Variants in IRAG1 observed in about 807,000 individuals in gnomAD.
IRAG1 encodes the protein IP3R-associated cGMP kinase substrate.
A neutral mutation model predicts 106.2 loss-of-function variants in IRAG1; 62 were observed. The observed-to-expected ratio is 0.58, with a 90% CI of 0.48 to 0.72. The LOEUF (loss-of-function observed/expected upper bound fraction) is 0.72. IRAG1 is among the 30% of genes least tolerant of loss of function. The probability of loss-of-function intolerance (pLI) is 0.00; values close to 1 mark genes in which losing one functional copy is unlikely to be tolerated. For synonymous variants in IRAG1, 462 were observed against 443.9 expected (o/e 1.04, Z -0.51); for missense variants, 1,064 against 1,140.7 (o/e 0.93, Z 0.97).
At chr11:10,604,589 T>G (rs1564903285) in intron 12 of IRAG1, 44 bp from the exon 13 acceptor site, 1 of 1,612,574 alleles carries the variant, frequency 6.2e-7, no homozygotes, top group Non-Finnish European at 8.5e-7. Flanking sequence ...GAGGAGTTAC[T>G]GCAGAGGACA....
Position 10,675,099 on chromosome 11 carries a change from G to A in IRAG1, c.67+18437C>T, listed in dbSNP as rs79041095. Reference sequence around the variant, plus strand: ...GTGCTGGGCTGGGAAACAGCCCCTGGGCTCCCTGAAGATCTCCCTGGCTGT... The same window carrying A: ...GTGCTGGGCTGGGAAACAGCCCCTGAGCTCCCTGAAGATCTCCCTGGCTGT... On this transcript the variant is annotated intron_variant, in intron 1 of 20. Coordinates refer to ENST00000423302, the MANE Select transcript of IRAG1 (RefSeq NM_130385.4). 3.1e-3 allele frequency among the ~76,000 whole-genome samples: 466 copies of A among 152,296 alleles called. 5 individuals carry two copies. Among genetic ancestry groups the A allele is most frequent in the African/African-American group, 0.011 (437 of 41,572 alleles).
intron 1 of IRAG1, among the ~76,000 whole-genome samples, chr11:10,679,136 A>G (rs1860938827): frequency 6.6e-6 from 1 of 152,246 alleles, no homozygotes; most frequent in Admixed American, 6.5e-5. Flanking sequence ...TTAGTGTCCT[A>G]GTTCTACATG....
chr11:10,640,233 G>C (rs1173537238), intron 2 of IRAG1, among the ~76,000 whole-genome samples: 1 of 152,176 alleles, frequency 6.6e-6, no homozygotes, highest in African/African-American at 2.4e-5. Flanking sequence ...TGGGGAGGAG[G>C]ACCATGGCAG....
intron 10 of IRAG1, among the ~76,000 whole-genome samples, 190 bp from the exon 11 acceptor site, chr11:10,610,041 G>T (rs1854811185): frequency 6.6e-6 from 1 of 152,160 alleles, no homozygotes; most frequent in African/African-American, 2.4e-5. Context: ...ATAAGCCAAG[G>T]CTCAGCAAGG....
intron 2 of IRAG1, among the ~76,000 whole-genome samples, chr11:10,644,353 A>T (rs1857773581): frequency 6.6e-6 from 1 of 152,248 alleles, no homozygotes. Context: ...ATTATCTTGT[A>T]TACCAGATAC....
rs920942292 is a variant in IRAG1, at chr11:10,581,975, T to C, written c.2252A>G (p.Asn751Ser). Residue 751 changes from asparagine (N) to serine (S), a missense_variant, in exon 19 of 21, where the codon AAT becomes AGT. Physicochemically the swap from Asn to Ser is conservative, Grantham distance 46. Transcript: ENST00000423302. The stretch of plus-strand genomic sequence containing the variant: ...AGAGGCTTCACAATCTGGGTCCCCA[T>C]TTGTCTTTCCACTAGTGAGAAGAGG... ...LPALLENGKT[N>S]GDPDCEASAP... The C allele has an allele frequency of 1.9e-6, 3 of 1,613,338 alleles. No individual in the cohort carries two copies. The highest frequency in any genetic ancestry group is 2.5e-6 in the Non-Finnish European group (3 of 1,179,528).
At chr11:10,650,110 G>A (rs1386826409) in intron 2 of IRAG1, among the ~76,000 whole-genome samples, 4 of 152,148 alleles carry the variant, frequency 2.6e-5, no homozygotes, top group Non-Finnish European at 5.9e-5. Context: ...TTACAACTCT[G>A]GGAACTTAAG....
chr11:10,679,853 T>C (rs2135181344), intron 1 of IRAG1, among the ~76,000 whole-genome samples: 1 of 152,358 alleles, frequency 6.6e-6, no homozygotes, highest in South Asian at 2.1e-4. Context: ...TTGCAGGACA[T>C]CTCAGAGCCT....
At chr11:10,622,058 T>C (rs1416398341) in intron 10 of IRAG1, among the ~76,000 whole-genome samples, 1 of 152,208 alleles carries the variant, frequency 6.6e-6, no homozygotes, top group Non-Finnish European at 1.5e-5. Flanking sequence ...TGAATGTACT[T>C]ACTGCCACTG....
At chr11:10,616,354 A>G (rs563402533) in intron 10 of IRAG1, among the ~76,000 whole-genome samples, 2 of 152,126 alleles carry the variant, frequency 1.3e-5, no homozygotes, top group Admixed American at 1.3e-4. Flanking sequence ...TGCTTGGAAT[A>G]TATCTAGAAG....
At chr11:10,594,441 G>A (rs75976406) in intron 15 of IRAG1, among the ~76,000 whole-genome samples, 2,292 of 152,052 alleles carry the variant, frequency 0.015, 55 homozygotes, top group African/African-American at 0.053. Context: ...CCCCAGTCTT[G>A]GACCTCTGAT....
rs149859907 is a variant in IRAG1, at chr11:10,655,429, G to A, written c.68-3247C>T. On this transcript the variant is annotated intron_variant, in intron 1 of 20. Coordinates refer to ENST00000423302, the MANE Select transcript of IRAG1 (RefSeq NM_130385.4). ...TCAGATGTTTGGAAAGCATTCATGT[G>A]GTTTTACTGTTCCCAAAGAATAGAT... 2.0e-5 allele frequency among the ~76,000 whole-genome samples: 3 copies of A among 152,218 alleles called. No individual in the cohort carries two copies. The East Asian group carries it at 5.8e-4, about 29-fold the overall frequency.
Position 10,665,014 on chromosome 11 carries a change from T to C in IRAG1, c.68-12832A>G, listed in dbSNP as rs11042913. 0.22 allele frequency among the ~76,000 whole-genome samples: 33,026 copies of C among 152,138 alleles called. 4,998 individuals carry two copies. The highest frequency in any genetic ancestry group is 0.81 in the East Asian group (4,196 of 5,162). On this transcript the variant is annotated intron_variant, in intron 1 of 20. Transcript: ENST00000423302. The surrounding 1 kb of genome is among the most constrained non-coding windows in gnomAD (Gnocchi z 4.2). The stretch of plus-strand genomic sequence containing the variant: ...TTAAGCTGGCTTGTACGAGCTTTTT[T>C]GGCACTTGCAATAAAGAGTTCCAAC...
intron 2 of IRAG1, among the ~76,000 whole-genome samples, chr11:10,651,386 A>C (rs1486950644): frequency 4.6e-5 from 7 of 152,256 alleles, no homozygotes; most frequent in African/African-American, 1.7e-4. Flanking sequence ...CTATGTGAAC[A>C]GATCACTTTG....
intron 1 of IRAG1, chr11:10,687,725 C>T (rs915642872): frequency 2.6e-5 from 34 of 1,288,988 alleles, no homozygotes; most frequent in Non-Finnish European, 3.4e-5. Context: ...GGACCCAGGA[C>T]TGTGGATGGT....
chr11:10,582,044 CA>C, intron 18 of IRAG1, 58 bp from the exon 19 acceptor site: 1 of 1,554,052 alleles, frequency 6.4e-7, no homozygotes, highest in Non-Finnish European at 8.7e-7. Flanking sequence ...GGCCTAAAAA[CA>C]AAACCATGTT....
At chr11:10,597,870 C>A (rs72862327) in intron 15 of IRAG1, among the ~76,000 whole-genome samples, 1 of 152,128 alleles carries the variant, frequency 6.6e-6, no homozygotes, top group Non-Finnish European at 1.5e-5. Context: ...GTCTGTCTCT[C>A]CAGAGTACTT....
chr11:10,596,509 C>T (rs1406221483), intron 15 of IRAG1, among the ~76,000 whole-genome samples: 6 of 152,138 alleles, frequency 3.9e-5, no homozygotes, highest in South Asian at 2.1e-4. Flanking sequence ...TTGGAATTCA[C>T]GTATTTTCTG....
In IRAG1 at chr11:10,575,844, G is replaced by A. The variant is rs1850786579; in HGVS notation, c.*488C>T. 6.5e-6 allele frequency: 1 copy of A among 154,448 alleles called. No homozygotes were observed. The highest frequency in any genetic ancestry group is 2.0e-4 in the South Asian group (1 of 5,026). 9.6% of individuals were successfully genotyped at this position (154,448 alleles called of 1,614,324 possible). On this transcript the variant is annotated 3_prime_UTR_variant, in exon 21 of 21. Transcript: ENST00000423302. ...GGCTGAAGTTATTGAAAATGAGATG[G>A]GAAATGGGAAGATAGTCACTTTGCA... is the stretch of plus-strand genomic sequence containing the variant.
Sources: gnomAD v4.1 joint callset for allele counts (sites outside exome capture counted in the v4.1 genomes callset) on GRCh38, gnomAD v4.1.1 for gene constraint, Gnocchi (gnomAD v3.1) non-coding constraint, MANE v1.5 for transcripts, NCBI Gene and HGNC (gene_info 2026-07-23, HGNC 2026-07-21) for gene names.